The following DVL1 variants were observed in gnomAD, a reference collection of about 807,000 sequenced individuals.
DVL1 encodes segment polarity protein dishevelled homolog DVL-1.
In DVL1, 49 loss-of-function variants were observed where a neutral mutation model predicts 65.0. The ratio of observed to expected loss-of-function variants is 0.75; its 90% confidence interval spans 0.60 to 0.96. The LOEUF is 0.96. Ranked by LOEUF, DVL1 falls within the 40% of genes least tolerant of loss-of-function variation. DVL1 has a pLI of 0.00. For missense variants in DVL1, 1,197 were observed against 1,045.4 expected (o/e 1.15, Z -2.00); for synonymous variants, 608 against 433.9 (o/e 1.40, Z -4.99).
At position 1,342,775 on chromosome 1, in the gene DVL1, C is replaced by A. The variant is rs759711244; in HGVS notation, c.171-17G>T. On this transcript the variant is annotated splice_polypyrimidine_tract_variant and intron_variant, in intron 1 of 14. Transcript: ENST00000378888. Reference sequence around the variant, plus strand: ...TTCACCACCCTGTGGGCATATGCTGCCGTGAGGCCCCACCTGGGGGGCCCA... The same window carrying A: ...TTCACCACCCTGTGGGCATATGCTGACGTGAGGCCCCACCTGGGGGGCCCA... The A allele has an allele frequency of 6.2e-7, 1 of 1,612,104 alleles. No individual in the cohort carries two copies. Among genetic ancestry groups the A allele is most frequent in the African/African-American group, 1.3e-5 (1 of 75,014 alleles).
chr1:1,342,549 C>A, intron 2 of DVL1, 65 bp from the exon 3 acceptor site: 10 of 1,581,264 alleles, frequency 6.3e-6, no homozygotes, highest in Non-Finnish European at 8.6e-6. Flanking sequence ...TCAGGGCACC[C>A]AGGGAACAGG....
chr1:1,345,199 G>A (rs745879956), intron 1 of DVL1, among the ~76,000 whole-genome samples: 1 of 152,094 alleles, frequency 6.6e-6, no homozygotes, highest in Non-Finnish European at 1.5e-5. Context: ...CCTGCCCCCT[G>A]CCCCCTCACA....
Position 1,338,145 on chromosome 1 carries a change from T to C in DVL1, c.1546A>G (p.Thr516Ala), listed in dbSNP as rs750098261. Residue 516 changes from threonine (T) to alanine (A), a missense_variant, in exon 14 of 15, where the codon ACT becomes GCT. By Grantham distance (58) the Thr-to-Ala change is moderately conservative (BLOSUM62 0). Transcript: ENST00000378888. ...GGGGCCAGCGTGTCCTGATCCGAAGTCCCACTGGAGCCACTGTTGAGGTTC... is the reference window on the plus strand; with the variant it reads ...GGGGCCAGCGTGTCCTGATCCGAAGCCCCACTGGAGCCACTGTTGAGGTTC... The part of the protein sequence containing the change: ...TLNLNSGSSG[T>A]SDQDTLAPLP... The C allele has an allele frequency of 6.2e-7, 1 of 1,609,084 alleles. No homozygotes were observed. The highest frequency in any genetic ancestry group is 8.5e-7 in the Non-Finnish European group (1 of 1,178,390).
At position 1,342,440 on chromosome 1, in the gene DVL1, GC is replaced by G. The variant is rs1317629140; in HGVS notation, c.284del (p.Gly95AlafsTer146). The G allele has an allele frequency of 1.2e-6, 2 of 1,604,702 alleles. No homozygotes were observed. The highest frequency in any genetic ancestry group is 1.7e-6 in the Non-Finnish European group (2 of 1,176,564). On this transcript the variant is annotated frameshift_variant, in exon 3 of 15. Transcript: ENST00000378888. LOFTEE classifies it high-confidence loss of function. ...GGGGCAGGTCTGTGTGGCTGTCCGT[GC>G]CCTGGGACCCCGCATCCGAGTGAGC... is the stretch of plus-strand genomic sequence containing the variant. ...EGAHSDAGSQ[G>X]TDSHTDLPPP...
In DVL1 at chr1:1,337,856, T is replaced by TGGGGAGGAGCTG. The variant is rs748714505; in HGVS notation, c.1714+120_1714+121insCAGCTCCTCCCC. ...GAAGCAGGGCGGAGCAGCAGCGGGG[T>TGGGGAGGAGCTG]GGGGTGGAGCTGGGGGTGGAGCAGC... On this transcript the variant is annotated intron_variant, in intron 14 of 14. Transcript: ENST00000378888. The TGGGGAGGAGCTG allele has an allele frequency of 2.5e-4, 147 of 581,458 alleles. 1 individual carries two copies. The South Asian group carries it at 3.2e-3, about 13-fold the overall frequency. The allele number at this position is 581,458 out of a possible 1,614,324, so 36.0% of individuals were successfully genotyped here. A position where few individuals can be genotyped will look rare whatever the true frequency, so the allele number is the denominator to read the frequency against.
chr1:1,346,092 G>A (rs1477448040), intron 1 of DVL1, among the ~76,000 whole-genome samples: 1 of 152,144 alleles, frequency 6.6e-6, no homozygotes, highest in Non-Finnish European at 1.5e-5. Flanking sequence ...CAGAGAGGCT[G>A]AGTCACAGAC....
intron 13 of DVL1, 35 bp downstream of exon 13, chr1:1,338,234 T>TCCCCCC: frequency 6.7e-6 from 3 of 446,432 alleles, no homozygotes; most frequent in Admixed American, 6.7e-5. Flanking sequence ...GGCGTTCCCC[T>TCCCCCC]CCCCCCCGCC....
Position 1,335,996 on chromosome 1 carries a change from G to T in DVL1, c.*146C>A. 1 of 1,116,172 alleles carries T rather than the reference G, an allele frequency of 9.0e-7. No individual in the cohort carries two copies. Among genetic ancestry groups the T allele is most frequent in the Non-Finnish European group, 1.3e-6 (1 of 799,658 alleles). The allele number at this position is 1,116,172 out of a possible 1,614,324, so 69.1% of individuals were successfully genotyped here. A position where few individuals can be genotyped will look rare whatever the true frequency, so the allele number is the denominator to read the frequency against. On this transcript the variant is annotated 3_prime_UTR_variant, in exon 15 of 15. Coordinates refer to ENST00000378888, the MANE Select transcript of DVL1 (RefSeq NM_001330311.2). ...GTGCTGTCAGGAGCTGGAGCAGCCA[G>T]GCTGCCAGGGCAGATGGTGGTGGTC...
At chr1:1,343,027 C>A (rs1478736290) in intron 1 of DVL1, among the ~76,000 whole-genome samples, 1 of 152,112 alleles carries the variant, frequency 6.6e-6, no homozygotes, top group Non-Finnish European at 1.5e-5. Context: ...ACATCCTGGG[C>A]CCCCACCCCC....
In DVL1 at chr1:1,344,762, G is replaced by A. The variant is rs368641291; in HGVS notation, c.171-2004C>T. 1.2e-4 allele frequency among the ~76,000 whole-genome samples: 18 copies of A among 152,262 alleles called. No homozygotes were observed. In the East Asian group the frequency reaches 2.3e-3, roughly 20 times the overall value. ...AGGCTGGAGCAACCCAGGGTGAGGCGGGCCCCACGGACACCGAGGCCACCA... is the reference window on the plus strand; with the variant it reads ...AGGCTGGAGCAACCCAGGGTGAGGCAGGCCCCACGGACACCGAGGCCACCA... On this transcript the variant is annotated intron_variant, in intron 1 of 14. Transcript: ENST00000378888.
rs146637134 is a variant in DVL1, at chr1:1,341,752, G to A, written c.520C>T (p.Pro174Ser). The stretch of plus-strand genomic sequence containing the variant: ...AGGGCGGTGGACGCGCTGTCTGGGG[G>A]CAGCCCCACATCCCGCCGTCGGTCT... The part of the protein sequence containing the change: ...RGDRRRDVGL[P>S]PDSASTALSS... The change falls in exon 5 of 15, where the codon CCC becomes TCC. Residue 174 changes from proline (P) to serine (S), a missense_variant. Pro to Ser is a moderately conservative substitution (Grantham distance 74, BLOSUM62 -1). Transcript: ENST00000378888. The A allele has an allele frequency of 1.9e-6, 3 of 1,608,206 alleles. No homozygotes were observed. Among genetic ancestry groups the A allele is most frequent in the Non-Finnish European group, 1.7e-6 (2 of 1,177,202 alleles).
At chr1:1,344,197 C>A (rs969784922) in intron 1 of DVL1, among the ~76,000 whole-genome samples, 2 of 152,186 alleles carry the variant, frequency 1.3e-5, no homozygotes, top group Non-Finnish European at 2.9e-5. Flanking sequence ...CCCTGCCCTG[C>A]CCAGCAGCAT....
chr1:1,343,264 C>G (rs867237105), intron 1 of DVL1, among the ~76,000 whole-genome samples: 3,227 of 151,974 alleles, frequency 0.021, 96 homozygotes, highest in African/African-American at 0.061. Flanking sequence ...GGAGCCCCCC[C>G]CCCCCAGGGC....
chr1:1,340,413 G>A lies in DVL1; in HGVS notation c.696C>T (p.Asp232=). 1 of 1,609,374 alleles carries A rather than the reference G, an allele frequency of 6.2e-7. No individual in the cohort carries two copies. Among genetic ancestry groups the A allele is most frequent in the Admixed American group, 1.7e-5 (1 of 59,050 alleles). Residue 232 remains aspartate, a synonymous_variant, in exon 6 of 15, where the codon GAC becomes GAT. Transcript: ENST00000378888. ...CCTGCTCCACCCGGCTGCCTACCCG[G>A]TCCGCCTGCCGAAGGCGCTGCTTCC... ...RRRKQRLRQA[D]RASSFSSITD...
chr1:1,337,933 T>A (rs768600968), intron 14 of DVL1, 44 bp downstream of exon 14: 1 of 1,514,566 alleles, frequency 6.6e-7, no homozygotes, highest in Admixed American at 1.8e-5. Context: ...GGGGCGGAGC[T>A]GGGGGCGGAG....
chr1:1,337,592 TAGG>T (rs1254084855), intron 14 of DVL1: 13 of 396,628 alleles, frequency 3.3e-5, no homozygotes, highest in African/African-American at 1.0e-4. Context: ...GCCTCTACCA[TAGG>T]AGAACCACCA....
At position 1,337,481 on chromosome 1, in the gene DVL1, C is replaced by T. The variant is rs1032135951; in HGVS notation, c.1714+496G>A. On this transcript the variant is annotated intron_variant, in intron 14 of 14. Coordinates refer to ENST00000378888, the MANE Select transcript of DVL1 (RefSeq NM_001330311.2). ...CTACCCGGGCTGCAGCTGCCACCCT[C>T]CTGTGTCCTGGGGCCTAGAAAGTGA... Among the ~76,000 whole-genome samples the T allele has an allele frequency of 3.3e-5, 5 of 152,328 alleles. No individual in the cohort carries two copies. In the East Asian group the frequency reaches 5.8e-4, roughly 18 times the overall value.
intron 13 of DVL1, 28 bp from the exon 14 acceptor site, chr1:1,338,211 C>A: frequency 1.3e-6 from 2 of 1,594,908 alleles, no homozygotes; most frequent in Non-Finnish European, 1.7e-6. Context: ...GTGAGGGCCG[C>A]GGAGGGGCCT....
intron 14 of DVL1, chr1:1,337,652 G>C (rs896161761): frequency 2.0e-6 from 1 of 505,072 alleles, no homozygotes; most frequent in Admixed American, 3.0e-5. Flanking sequence ...CAGGCTCCTG[G>C]AGGCCCCTCA....
Sources: gnomAD v4.1 joint callset for allele counts (sites outside exome capture counted in the v4.1 genomes callset) on GRCh38, gnomAD v4.1.1 for gene constraint, MANE v1.5 for transcripts, NCBI Gene and HGNC (gene_info 2026-07-23, HGNC 2026-07-21) for gene names.